Variants in ANXA9 observed in about 807,000 individuals in gnomAD.
ANXA9 encodes the protein annexin A9.
A neutral mutation model predicts 51.8 loss-of-function variants in ANXA9; 47 were observed. The ratio of observed to expected loss-of-function variants is 0.91; its 90% confidence interval spans 0.72 to 1.16. The LOEUF (loss-of-function observed/expected upper bound fraction) is 1.16, where lower values mean the gene tolerates loss of function less well. Ranked by LOEUF, ANXA9 falls within the 50% of genes most tolerant of loss-of-function variation. The probability of loss-of-function intolerance (pLI) is 0.00; values close to 1 mark genes in which losing one functional copy is unlikely to be tolerated. For synonymous variants in ANXA9, 154 were observed against 168.7 expected, an observed-to-expected ratio of 0.91 and a Z score of 0.68; for missense variants, 361 against 424.7, an observed-to-expected ratio of 0.85 and a Z score of 1.32.
chr1:150,983,432 A>G lies in ANXA9; in HGVS notation c.170A>G (p.Gln57Arg), dbSNP rs1399335065. 4 of 1,609,018 alleles carry G rather than the reference A, an allele frequency of 2.5e-6. No homozygotes were observed. In the South Asian group the frequency reaches 4.4e-5, roughly 18 times the overall value. The change falls in exon 4 of 14, where the codon CAA becomes CGA. Residue 57 changes from glutamine (Q) to arginine (R), a missense_variant and splice_region_variant. Coordinates refer to ENST00000368947, the MANE Select transcript of ANXA9 (RefSeq NM_003568.3). ...AGGCTACTGAGGGCCATTACTGGCC[A>G]AGGTGAGCCCCTTTCCCCCGGCACT... ...AQRLLRAITGQGVDRSAIVDV... is the reference protein window; with the variant it reads ...AQRLLRAITGRGVDRSAIVDV...
chr1:150,977,461 G>A (rs587603424), upstream of ANXA9, among the ~76,000 whole-genome samples: 3 of 152,248 alleles, frequency 2.0e-5, no homozygotes, highest in East Asian at 3.9e-4. Context: ...CCCCCAACAC[G>A]CAGGCTGGCA....
intron 12 of ANXA9, among the ~76,000 whole-genome samples, chr1:150,988,873 G>A (rs1671632325): frequency 6.6e-6 from 1 of 152,082 alleles, no homozygotes; most frequent in Non-Finnish European, 1.5e-5. Context: ...ACTTCACGAT[G>A]TAAGATATTG....
intron 9 of ANXA9, 109 bp downstream of exon 9, chr1:150,986,770 C>A: frequency 1.8e-6 from 2 of 1,130,606 alleles, no homozygotes; most frequent in Non-Finnish European, 2.5e-6. Context: ...GCAAACCCAT[C>A]CCTGCCTTGG....
chr1:150,987,366 T>G (rs935619799), intron 9 of ANXA9, among the ~76,000 whole-genome samples: 1 of 50,596 alleles, frequency 2.0e-5, no homozygotes, highest in African/African-American at 4.9e-5. Flanking sequence ...TCTCGCTCTC[T>G]CTCTCTCTCT....
intron 6 of ANXA9, 75 bp downstream of exon 6, chr1:150,984,469 G>A: frequency 6.4e-7 from 1 of 1,556,422 alleles, no homozygotes; most frequent in Non-Finnish European, 8.9e-7. Context: ...CAAGACGAGA[G>A]TCCCCCTCTC....
intron 7 of ANXA9, 69 bp from the exon 8 acceptor site, chr1:150,986,267 G>A: frequency 7.1e-7 from 1 of 1,417,628 alleles, no homozygotes; most frequent in Non-Finnish European, 1.0e-6. Flanking sequence ...TCAGGCATTT[G>A]GCAGGTCCTG....
intron 9 of ANXA9, among the ~76,000 whole-genome samples, chr1:150,986,995 G>A (rs1298888758): frequency 6.6e-6 from 1 of 152,090 alleles, no homozygotes; most frequent in African/African-American, 2.4e-5. Context: ...AGAGCTGTGA[G>A]GCTGTAAGGG....
chr1:150,991,460 C>T (rs940516882), intron 12 of ANXA9, among the ~76,000 whole-genome samples: 5 of 151,852 alleles, frequency 3.3e-5, no homozygotes, highest in African/African-American at 1.2e-4. Context: ...TGGTCCTTAA[C>T]TCCTGATCTC....
chr1:150,989,239 G>A (rs186199605), intron 12 of ANXA9, among the ~76,000 whole-genome samples: 297 of 151,280 alleles, frequency 2.0e-3, no homozygotes, highest in African/African-American at 6.8e-3. Flanking sequence ...TCGGCCTCCC[G>A]AAGTGCTAGG....
chr1:150,990,971 T>C lies in ANXA9; in HGVS notation c.852+2630T>C, dbSNP rs587642005. 2.0e-4 allele frequency among the ~76,000 whole-genome samples: 31 copies of C among 152,024 alleles called. No homozygotes were observed. The East Asian group carries it at 3.7e-3, about 18-fold the overall frequency. On this transcript the variant is annotated intron_variant, in intron 12 of 13. Coordinates refer to ENST00000368947, the MANE Select transcript of ANXA9 (RefSeq NM_003568.3). ...CATCCTGGCTAACAAGGTAAAACCC[T>C]GTCTCTACTGAAAATACAGAAATTA...
chr1:150,994,554 C>A (rs587636624), intron 12 of ANXA9, 23 bp from the exon 13 acceptor site: 2 of 1,613,178 alleles, frequency 1.2e-6, no homozygotes, highest in East Asian at 2.2e-5. Context: ...TAACTACCCC[C>A]CATCTCTTTC....
intron 12 of ANXA9, among the ~76,000 whole-genome samples, chr1:150,989,097 A>T (rs1191327500): frequency 2.0e-5 from 3 of 151,774 alleles, no homozygotes; most frequent in Non-Finnish European, 4.4e-5. Flanking sequence ...TTCCTGCCTC[A>T]GCCTCCCAAA....
chr1:150,990,098 C>T (rs2102800453), intron 12 of ANXA9, among the ~76,000 whole-genome samples: 1 of 151,948 alleles, frequency 6.6e-6, no homozygotes, highest in Middle Eastern at 3.4e-3. Context: ...CGCTTGAGGT[C>T]AGGAGTTCAA....
chr1:150,985,269 G>A (rs764797045), intron 7 of ANXA9, among the ~76,000 whole-genome samples: 1 of 151,810 alleles, frequency 6.6e-6, no homozygotes, highest in Non-Finnish European at 1.5e-5. Flanking sequence ...GGAGCTCCAA[G>A]GCAGATTCCA....
upstream of ANXA9, among the ~76,000 whole-genome samples, chr1:150,981,401 G>C (rs587615724): frequency 1.3e-5 from 2 of 152,190 alleles, no homozygotes; most frequent in African/African-American, 4.8e-5. Flanking sequence ...AGGGAGGCAG[G>C]AAAGAGGCTG....
Position 150,984,299 on chromosome 1 carries a change from C to A in ANXA9, c.286C>A (p.Gln96Lys). 6.2e-7 allele frequency: 1 copy of A among 1,614,136 alleles called. No homozygotes were observed. The highest frequency in any genetic ancestry group is 8.5e-7 in the Non-Finnish European group (1 of 1,179,994). Reference sequence around the variant, plus strand: ...ATTGTAGGACCTGATGAAGTCTCTACAGGCAGCACTTTCCGGCAACCTGGA... The same window carrying A: ...ATTGTAGGACCTGATGAAGTCTCTAAAGGCAGCACTTTCCGGCAACCTGGA... ...RTQQDLMKSL[Q>K]AALSGNLERI... The change falls in exon 6 of 14, where the codon CAG (glutamine) becomes AAG (lysine). Residue 96 changes from glutamine (Q) to lysine (K), a missense_variant. Physicochemically the swap from Gln to Lys is moderately conservative, Grantham distance 53 (BLOSUM62 1). Coordinates refer to ENST00000368947, the MANE Select transcript of ANXA9 (RefSeq NM_003568.3).
At chr1:150,984,156 A>G in intron 5 of ANXA9, 87 bp downstream of exon 5, 1 of 1,537,868 alleles carries the variant, frequency 6.5e-7, no homozygotes, top group Non-Finnish European at 8.9e-7. Flanking sequence ...CGCTGAGGCC[A>G]GCCCCTGCTT....
In ANXA9 at chr1:150,983,166, G is replaced by T. The variant is rs746660034; in HGVS notation, c.61G>T (p.Gly21Cys). 6.2e-7 allele frequency: 1 copy of T among 1,614,060 alleles called. No homozygotes were observed. The highest frequency in any genetic ancestry group is 1.1e-5 in the South Asian group (1 of 91,068). Residue 21 changes from glycine (G) to cysteine (C), a missense_variant, in exon 3 of 14, where the codon GGC becomes TGC. By Grantham distance (159) the Gly-to-Cys change is radical. Transcript: ENST00000368947. Reference sequence around the variant, plus strand: ...CACCCAGGAGATCCTCAGCCACCTGGGCCTGGCCAGCAAGGTAGGGGCTGT... The same window carrying T: ...CACCCAGGAGATCCTCAGCCACCTGTGCCTGGCCAGCAAGGTAGGGGCTGT... ...SLTQEILSHL[G>C]LASKTAAWGT...
chr1:150,988,586 T>C (rs991215636), intron 12 of ANXA9, among the ~76,000 whole-genome samples: 3 of 152,174 alleles, frequency 2.0e-5, no homozygotes, highest in East Asian at 1.9e-4. Flanking sequence ...GGTGGCCAAA[T>C]AGAGATATGA....
Sources: allele counts gnomAD v4.1 joint callset (sites outside exome capture counted in the v4.1 genomes callset), GRCh38; gene constraint gnomAD v4.1.1; transcripts MANE v1.5; gene names NCBI Gene and HGNC (gene_info 2026-07-23, HGNC 2026-07-21).